The following LRP1B variants were observed in gnomAD, a reference collection of about 807,000 sequenced individuals.
LRP1B encodes the protein low-density lipoprotein receptor-related protein 1B.
Under a neutral mutation model 556.6 loss-of-function variants are expected in LRP1B, and 217 were observed. That is an observed-to-expected ratio of 0.39 (90% CI 0.35 to 0.44). The LOEUF (loss-of-function observed/expected upper bound fraction) is 0.44, where lower values mean the gene tolerates loss of function less well. LRP1B is among the 20% of genes least tolerant of loss of function. The pLI is 1.00. For synonymous variants in LRP1B, 2,047 were observed against 1,865.8 expected (o/e 1.10, Z -2.50); for missense variants, 5,053 against 5,620.8 (o/e 0.90, Z 3.23).
At chr2:140,847,850 T>C (rs1214500360) in intron 29 of LRP1B, among the ~76,000 whole-genome samples, 2 of 152,090 alleles carry the variant, frequency 1.3e-5, no homozygotes, top group African/African-American at 2.4e-5. Flanking sequence ...AATGAGTATA[T>C]GTATTAATTA....
chr2:141,310,786 T>C (rs556124005), intron 3 of LRP1B, among the ~76,000 whole-genome samples: 11 of 152,296 alleles, frequency 7.2e-5, no homozygotes, highest in Middle Eastern at 3.4e-3. Context: ...GTGAAATACA[T>C]TGATGCCCAT....
At chr2:141,567,614 G>A (rs546619805) in intron 2 of LRP1B, among the ~76,000 whole-genome samples, 1 of 152,068 alleles carries the variant, frequency 6.6e-6, no homozygotes, top group South Asian at 2.1e-4. Context: ...AAGAAAAGAT[G>A]AGAAATTAGG....
intron 2 of LRP1B, among the ~76,000 whole-genome samples, chr2:141,537,337 T>C (rs969528164): frequency 2.0e-5 from 3 of 152,080 alleles, no homozygotes; most frequent in African/African-American, 4.8e-5. Flanking sequence ...GGGTGTGGAA[T>C]CATTTATTTG....
chr2:141,186,628 A>T (rs1318870176), intron 7 of LRP1B, among the ~76,000 whole-genome samples: 1 of 152,108 alleles, frequency 6.6e-6, no homozygotes, highest in Non-Finnish European at 1.5e-5. Flanking sequence ...ACCTATTCTG[A>T]TAAATGATAC....
chr2:140,262,033 G>C (rs949535280), intron 86 of LRP1B, among the ~76,000 whole-genome samples: 1 of 151,804 alleles, frequency 6.6e-6, no homozygotes, highest in African/African-American at 2.4e-5. Context: ...TAGGTATATA[G>C]AGAACCTTTA....
chr2:140,352,437 G>A (rs1313451187), intron 76 of LRP1B, among the ~76,000 whole-genome samples: 4 of 152,206 alleles, frequency 2.6e-5, no homozygotes, highest in South Asian at 2.1e-4. Context: ...GCCTCCCAAG[G>A]TGCTGGGATT....
intron 1 of LRP1B, among the ~76,000 whole-genome samples, chr2:141,993,106 G>A (rs1018689358): frequency 1.7e-4 from 26 of 152,252 alleles, no homozygotes; most frequent in African/African-American, 6.0e-4. Flanking sequence ...TGGTACAGGG[G>A]ATTGCTTGCA....
At chr2:141,589,383 T>C (rs1191978525) in intron 2 of LRP1B, among the ~76,000 whole-genome samples, 1 of 152,188 alleles carries the variant, frequency 6.6e-6, no homozygotes. Flanking sequence ...TAAAAGTTTG[T>C]AGGTCTGTTT....
chr2:140,426,852 CCT>C (rs1685680996), intron 66 of LRP1B, among the ~76,000 whole-genome samples: 1 of 152,154 alleles, frequency 6.6e-6, no homozygotes, highest in Non-Finnish European at 1.5e-5. Context: ...AGATCAATCC[CCT>C]GTCTTCCTGC....
chr2:141,726,781 A>T (rs1246729268), intron 2 of LRP1B, among the ~76,000 whole-genome samples: 1 of 152,146 alleles, frequency 6.6e-6, no homozygotes, highest in Non-Finnish European at 1.5e-5. Context: ...TAAACAAAGC[A>T]TGTGATGGGA....
chr2:141,567,792 T>C (rs201830488), intron 2 of LRP1B, among the ~76,000 whole-genome samples: 1 of 93,792 alleles, frequency 1.1e-5, no homozygotes, highest in South Asian at 3.6e-4. Flanking sequence ...TAGAATTTCT[T>C]AGGGTTAAAT....
intron 3 of LRP1B, among the ~76,000 whole-genome samples, chr2:141,283,718 C>A (rs1685595912): frequency 8.3e-6 from 1 of 120,724 alleles, no homozygotes; most frequent in Non-Finnish European, 1.7e-5. Flanking sequence ...GCCTCAGCCT[C>A]CAGACTAGCT....
chr2:141,718,737 C>A (rs567146268), intron 2 of LRP1B, among the ~76,000 whole-genome samples: 15 of 152,196 alleles, frequency 9.9e-5, no homozygotes, highest in African/African-American at 3.6e-4. Flanking sequence ...TCTGTGTACA[C>A]TTAATTTCTA....
rs537217531 is a variant in LRP1B at position 140,885,407 on chromosome 2, A to G, written c.3964+731T>C. On this transcript the variant is annotated intron_variant, in intron 24 of 90. Transcript: ENST00000389484. ...ATTCTGTTGCCCAGGCTGGAGTACA[A>G]TGAAATGATCTAGGCTCACTGCAAC... Among the ~76,000 whole-genome samples, 6 of 151,790 alleles carry G rather than the reference A, an allele frequency of 4.0e-5. No homozygotes were observed. In the South Asian group the frequency reaches 1.2e-3, roughly 32 times the overall value.
Position 141,452,118 on chromosome 2 carries a change from G to T in LRP1B, c.343+28278C>A, listed in dbSNP as rs570422959. Among the ~76,000 whole-genome samples, 13 of 152,180 alleles carry T rather than the reference G, an allele frequency of 8.5e-5. No individual in the cohort carries two copies. In the South Asian group the frequency reaches 2.3e-3, roughly 27 times the overall value. ...AAGGCTGTATAAAACTTTATAAAAA[G>T]AATTCACTTGGAGTTTGTGAGATAA... On this transcript the variant is annotated intron_variant, in intron 3 of 90. Transcript: ENST00000389484.
chr2:141,015,162 A>G (rs2105388029), intron 13 of LRP1B, among the ~76,000 whole-genome samples: 1 of 152,120 alleles, frequency 6.6e-6, no homozygotes, highest in South Asian at 2.1e-4. Flanking sequence ...CCTCAATTTT[A>G]CCTAAGAATT....
At chr2:141,326,072 G>A (rs553681879) in intron 3 of LRP1B, among the ~76,000 whole-genome samples, 2 of 152,188 alleles carry the variant, frequency 1.3e-5, no homozygotes, top group East Asian at 3.9e-4. Context: ...ATTAAAAATA[G>A]TGCTTTACCT....
chr2:140,756,378 AG>A (rs1688741335), intron 35 of LRP1B, among the ~76,000 whole-genome samples: 1 of 152,080 alleles, frequency 6.6e-6, no homozygotes, highest in Non-Finnish European at 1.5e-5. Flanking sequence ...TAACCAAAAA[AG>A]TCTTGAAAAA....
intron 1 of LRP1B, among the ~76,000 whole-genome samples, chr2:141,979,227 A>T (rs1385885490): frequency 6.6e-6 from 1 of 152,116 alleles, no homozygotes; most frequent in Non-Finnish European, 1.5e-5. Context: ...ACAATTAGTA[A>T]TTATAGGATA....
Sources: allele counts gnomAD v4.1 joint callset (sites outside exome capture counted in the v4.1 genomes callset), GRCh38; gene constraint gnomAD v4.1.1; transcripts MANE v1.5; gene names NCBI Gene and HGNC (gene_info 2026-07-23, HGNC 2026-07-21).